CTNNAL1: variants seen among roughly 807,000 people sequenced by gnomAD.
CTNNAL1 encodes catenin alpha like 1.
CTNNAL1 carries 69 observed loss-of-function variants against 93.6 expected under a neutral mutation model. The observed-to-expected ratio is 0.74, with a 90% CI of 0.61 to 0.90. The LOEUF is 0.90. CTNNAL1 is among the 40% of genes least tolerant of loss of function. The probability of loss-of-function intolerance (pLI) is 0.00; values close to 1 mark genes in which losing one functional copy is unlikely to be tolerated. For synonymous variants in CTNNAL1, 286 were observed against 305.4 expected, an observed-to-expected ratio of 0.94 and a Z score of 0.66; for missense variants, 836 against 862.0, an observed-to-expected ratio of 0.97 and a Z score of 0.38.
intron 1 of CTNNAL1, among the ~76,000 whole-genome samples, chr9:109,004,522 T>C (rs1826954350): frequency 6.6e-6 from 1 of 152,168 alleles, no homozygotes; most frequent in Admixed American, 6.5e-5. Flanking sequence ...GCGCAGTGGC[T>C]CACACTTGTA....
intron 1 of CTNNAL1, among the ~76,000 whole-genome samples, chr9:109,003,777 T>C (rs1826926453): frequency 6.6e-6 from 1 of 152,238 alleles, no homozygotes; most frequent in Non-Finnish European, 1.5e-5. Flanking sequence ...TTGTAATAGA[T>C]GCCAACATCA....
At chr9:108,954,023 T>C (rs1483372201) in intron 12 of CTNNAL1, among the ~76,000 whole-genome samples, 1 of 152,244 alleles carries the variant, frequency 6.6e-6, no homozygotes, top group Non-Finnish European at 1.5e-5. Flanking sequence ...TTTTATACTT[T>C]ATATTATTCT....
intron 14 of CTNNAL1, 75 bp downstream of exon 14, chr9:108,952,134 T>C (rs1830579615): frequency 7.7e-7 from 1 of 1,296,140 alleles, no homozygotes; most frequent in African/African-American, 1.5e-5. Context: ...CTGTCAATGA[T>C]TTAACATGGA....
chr9:108,955,718 C>T, intron 12 of CTNNAL1, 72 bp downstream of exon 12: 1 of 1,305,234 alleles, frequency 7.7e-7, no homozygotes, highest in Middle Eastern at 1.8e-4. Context: ...AGGGGAGCAG[C>T]AACAGGCAAC....
intron 2 of CTNNAL1, among the ~76,000 whole-genome samples, chr9:108,998,857 C>T (rs181540683): frequency 2.0e-5 from 3 of 152,338 alleles, no homozygotes; most frequent in East Asian, 3.9e-4. Context: ...CGATCACTAA[C>T]TCTGACCAGT....
Position 108,990,725 on chromosome 9 carries a change from C to T in CTNNAL1, c.639+1G>A. ...GATTGTAAAATGTGATGAATACATACATTTTGTCTATCTCCACTCAGATGT... is the reference window on the plus strand; with the variant it reads ...GATTGTAAAATGTGATGAATACATATATTTTGTCTATCTCCACTCAGATGT... On this transcript the variant is annotated splice_donor_variant, in intron 4 of 18. Transcript: ENST00000325551. LOFTEE classifies it high-confidence loss of function. 2 of 1,610,270 alleles carry T rather than the reference C, an allele frequency of 1.2e-6. No homozygotes were observed. The highest frequency in any genetic ancestry group is 1.7e-6 in the Non-Finnish European group (2 of 1,178,752).
chr9:109,004,651 T>C (rs1032566139), intron 1 of CTNNAL1, among the ~76,000 whole-genome samples: 3 of 152,112 alleles, frequency 2.0e-5, no homozygotes, highest in Non-Finnish European at 4.4e-5. Flanking sequence ...CCGGGCATGG[T>C]GGTGTGCACC....
chr9:108,952,275 T>G lies in CTNNAL1; in HGVS notation c.1769A>C (p.Glu590Ala). Reference protein sequence around the residue: ...DCEIEKWEDQENEIVQYGRNM... With the variant: ...DCEIEKWEDQANEIVQYGRNM... ...CCGTCCATATTGAACAATCTCATTC[T>G]CCTGATCTTCCCACTTCTCAATTTC... is the stretch of plus-strand genomic sequence containing the variant. The change falls in exon 14 of 19, where the codon GAG becomes GCG. Residue 590 changes from glutamate (E) to alanine (A), a missense_variant. By Grantham distance (107) the Glu-to-Ala change is moderately radical. Coordinates refer to ENST00000325551, the MANE Select transcript of CTNNAL1 (RefSeq NM_003798.4). 1 of 1,614,214 alleles carries G rather than the reference T, an allele frequency of 6.2e-7. No individual in the cohort carries two copies. The highest frequency in any genetic ancestry group is 8.5e-7 in the Non-Finnish European group (1 of 1,180,024).
At chr9:108,959,415 C>T (rs534534525) in intron 11 of CTNNAL1, among the ~76,000 whole-genome samples, 6 of 147,930 alleles carry the variant, frequency 4.1e-5, no homozygotes, top group Non-Finnish European at 7.4e-5. Flanking sequence ...CAGCGAGACT[C>T]CCATCTCTGG....
At position 108,943,853 on chromosome 9, in the gene CTNNAL1, C is replaced by G. The variant is rs548302043; in HGVS notation, c.1942-37G>C. 4 of 1,607,186 alleles carry G rather than the reference C, an allele frequency of 2.5e-6. No individual in the cohort carries two copies. The South Asian group carries it at 4.4e-5, about 18-fold the overall frequency. ...TTTAACAAGTTATAACAGCCCGCAACAAAACTCCATCTTTAATACCTTAAA... is the reference window on the plus strand; with the variant it reads ...TTTAACAAGTTATAACAGCCCGCAAGAAAACTCCATCTTTAATACCTTAAA... On this transcript the variant is annotated intron_variant, in intron 16 of 18. Coordinates refer to ENST00000325551, the MANE Select transcript of CTNNAL1 (RefSeq NM_003798.4).
intron 16 of CTNNAL1, 45 bp downstream of exon 16, chr9:108,943,917 A>G (rs1830321971): frequency 6.2e-7 from 1 of 1,603,506 alleles, no homozygotes; most frequent in Non-Finnish European, 8.5e-7. Flanking sequence ...AAAGTAGGTT[A>G]TACATAATAC....
chr9:108,988,614 T>G (rs182998319), intron 4 of CTNNAL1, among the ~76,000 whole-genome samples: 1 of 152,354 alleles, frequency 6.6e-6, no homozygotes, highest in East Asian at 1.9e-4. Context: ...CTTACACAGT[T>G]TGGCCTGCCC....
intron 8 of CTNNAL1, among the ~76,000 whole-genome samples, chr9:108,973,941 C>T (rs1252949800): frequency 6.6e-6 from 1 of 152,134 alleles, no homozygotes; most frequent in East Asian, 1.9e-4. Flanking sequence ...ATTCACTTTC[C>T]GTGGAAACTA....
chr9:108,992,413 G>A (rs1283999516), intron 3 of CTNNAL1, among the ~76,000 whole-genome samples: 3 of 145,740 alleles, frequency 2.1e-5, no homozygotes, highest in Non-Finnish European at 4.5e-5. Flanking sequence ...TTTAAGCAAC[G>A]CTCAGACATG....
chr9:109,006,829 C>T (rs1040725162), intron 1 of CTNNAL1, among the ~76,000 whole-genome samples: 1 of 152,192 alleles, frequency 6.6e-6, no homozygotes, highest in Non-Finnish European at 1.5e-5. Context: ...CATCATTCTG[C>T]CTGGTTTTGA....
chr9:108,972,267 C>A (rs1402499568), intron 9 of CTNNAL1, among the ~76,000 whole-genome samples: 2 of 152,142 alleles, frequency 1.3e-5, no homozygotes, highest in Non-Finnish European at 2.9e-5. Flanking sequence ...TGTATGGTTT[C>A]CCCCATGCCC....
chr9:108,986,527 G>C (rs10979640), intron 4 of CTNNAL1, among the ~76,000 whole-genome samples: 10,764 of 150,846 alleles, frequency 0.071, 460 homozygotes, highest in Admixed American at 0.13. Flanking sequence ...ATTTATAGTC[G>C]TTTGGGTATA....
chr9:108,972,864 G>GGGGGGCCGCCCCCCC, intron 8 of CTNNAL1, 31 bp from the exon 9 acceptor site: 2 of 142,578 alleles, frequency 1.4e-5, no homozygotes, highest in Non-Finnish European at 2.0e-5. Flanking sequence ...GGGGGGGTGG[G>GGGGGGCCGCCCCCCC]AGGGTGGAGA....
Position 108,965,451 on chromosome 9 carries a change from T to A in CTNNAL1, c.1518A>T (p.Glu506Asp). 1 of 1,597,266 alleles carries A rather than the reference T, an allele frequency of 6.3e-7. No homozygotes were observed. The highest frequency in any genetic ancestry group is 8.5e-7 in the Non-Finnish European group (1 of 1,172,952). Reference sequence around the variant, plus strand: ...TGTCACTAATTTGGGATTCCCAAGCTTCACAAAATACATCTAGGTTTTCTT... The same window carrying A: ...TGTCACTAATTTGGGATTCCCAAGCATCACAAAATACATCTAGGTTTTCTT... The part of the protein sequence containing the change: ...IAKENLDVFC[E>D]AWESQISDMS... Residue 506 changes from glutamate (E) to aspartate (D), a missense_variant, in exon 11 of 19, where the codon GAA (glutamate) becomes GAT (aspartate). By Grantham distance (45) the Glu-to-Asp change is conservative. Transcript: ENST00000325551.
Sources: allele counts gnomAD v4.1 joint callset (sites outside exome capture counted in the v4.1 genomes callset), GRCh38; gene constraint gnomAD v4.1.1; transcripts MANE v1.5; gene names NCBI Gene and HGNC (gene_info 2026-07-23, HGNC 2026-07-21).